Variants in RNF13 observed in about 807,000 individuals in gnomAD.
RNF13 encodes ring finger protein 13.
In RNF13, 19 loss-of-function variants were observed where a neutral mutation model predicts 37.7. The observed-to-expected ratio is 0.50, with a 90% confidence interval of 0.35 to 0.74. The LOEUF (loss-of-function observed/expected upper bound fraction) is 0.74. RNF13 is among the 30% of genes least tolerant of loss of function. The pLI, the probability that RNF13 is intolerant of heterozygous loss-of-function variation, is 0.01. For synonymous variants in RNF13, 144 were observed against 157.8 expected (o/e 0.91, Z 0.65); for missense variants, 375 against 453.0 (o/e 0.83, Z 1.56).
At chr3:149,820,451 A>G (rs1421658209) in intron 1 of RNF13, among the ~76,000 whole-genome samples, 1 of 152,184 alleles carries the variant, frequency 6.6e-6, no homozygotes, top group Non-Finnish European at 1.5e-5. Flanking sequence ...TGATAAATGA[A>G]TATTTCTGAA....
At chr3:149,819,879 C>G (rs557250058) in intron 1 of RNF13, among the ~76,000 whole-genome samples, 17 of 152,180 alleles carry the variant, frequency 1.1e-4, no homozygotes, top group African/African-American at 4.1e-4. Flanking sequence ...TTTGTTATTT[C>G]TAGTTGTTTC....
intron 5 of RNF13, 109 bp from the exon 6 acceptor site, chr3:149,901,963 T>G (rs1016291203): frequency 2.1e-6 from 1 of 487,414 alleles, no homozygotes; most frequent in Non-Finnish European, 3.7e-6. Context: ...AATAGACAAT[T>G]AAAGTTGATT....
At position 149,872,154 on chromosome 3, in the gene RNF13, G is replaced by C. The variant is rs1248927481; in HGVS notation, c.321G>C (p.Lys107Asn). ...IRRLDCNFDI[K>N]VLNAQRAGYK... ...GACTTGATTGTAATTTTGATATAAAGGTATGATTATCTTTTTTCATTTTTT... is the reference window on the plus strand; with the variant it reads ...GACTTGATTGTAATTTTGATATAAACGTATGATTATCTTTTTTCATTTTTT... The change falls in exon 4 of 10, where the codon AAG (lysine) becomes AAC (asparagine). Residue 107 changes from lysine to asparagine, a missense_variant and splice_region_variant. Lys to Asn is a moderately conservative substitution (Grantham distance 94). Transcript: ENST00000392894. 2 of 1,538,650 alleles carry C rather than the reference G, an allele frequency of 1.3e-6. No individual in the cohort carries two copies. Among genetic ancestry groups the C allele is most frequent in the Non-Finnish European group, 1.8e-6 (2 of 1,137,730 alleles).
At chr3:149,832,541 G>C (rs536222928) in intron 1 of RNF13, among the ~76,000 whole-genome samples, 5 of 152,136 alleles carry the variant, frequency 3.3e-5, no homozygotes, top group Admixed American at 1.3e-4. Context: ...ATGTGTACCA[G>C]CCAGTTTGCT....
At chr3:149,911,323 G>A (rs2867399) in intron 6 of RNF13, among the ~76,000 whole-genome samples, 137,248 of 152,240 alleles carry the variant, frequency 0.9, 61,963 homozygotes, top group African/African-American at 0.94. Flanking sequence ...ATGATTTTAC[G>A]TATAAAATAT....
At chr3:149,890,064 T>C (rs1438896371) in intron 4 of RNF13, among the ~76,000 whole-genome samples, 1 of 152,200 alleles carries the variant, frequency 6.6e-6, no homozygotes, top group East Asian at 1.9e-4. Flanking sequence ...TTAAAGCCAG[T>C]CTCTGCTACT....
intron 1 of RNF13, among the ~76,000 whole-genome samples, chr3:149,817,874 GAAA>G (rs1373640866): frequency 6.6e-5 from 10 of 151,806 alleles, no homozygotes; most frequent in Non-Finnish European, 5.9e-5. Context: ...CCTATTATAA[GAAA>G]AAAAGGAAAA....
At chr3:149,884,349 A>G (rs1245697031) in intron 4 of RNF13, among the ~76,000 whole-genome samples, 1 of 151,752 alleles carries the variant, frequency 6.6e-6, no homozygotes, top group Non-Finnish European at 1.5e-5. Context: ...TGTACTAATA[A>G]GGTATAACCC....
intron 4 of RNF13, among the ~76,000 whole-genome samples, chr3:149,879,984 C>T (rs1054197900): frequency 6.6e-6 from 1 of 152,144 alleles, no homozygotes; most frequent in Non-Finnish European, 1.5e-5. Context: ...ATGTTTTATG[C>T]AGTTCTGTGT....
intron 6 of RNF13, among the ~76,000 whole-genome samples, chr3:149,903,220 T>G (rs1377304029): frequency 6.6e-6 from 1 of 152,106 alleles, no homozygotes; most frequent in African/African-American, 2.4e-5. Flanking sequence ...AAAACAGTTA[T>G]GCAAAGTGGT....
At chr3:149,878,483 G>A (rs1296426520) in intron 4 of RNF13, among the ~76,000 whole-genome samples, 1 of 152,144 alleles carries the variant, frequency 6.6e-6, no homozygotes, top group African/African-American at 2.4e-5. Flanking sequence ...GAAATGGAAT[G>A]TAATATTGGC....
intron 4 of RNF13, among the ~76,000 whole-genome samples, chr3:149,875,234 TC>T (rs1197673192): frequency 6.6e-6 from 1 of 152,134 alleles, no homozygotes; most frequent in African/African-American, 2.4e-5. Flanking sequence ...ATACAAATTA[TC>T]TCAGACAAAG....
intron 9 of RNF13, 128 bp downstream of exon 9, chr3:149,960,264 C>G (rs766392093): frequency 1.4e-5 from 9 of 648,182 alleles, no homozygotes; most frequent in Non-Finnish European, 2.2e-5. Context: ...AATTAGTGGT[C>G]TCATTCAAGG....
intron 1 of RNF13, among the ~76,000 whole-genome samples, chr3:149,829,969 T>C (rs1353575866): frequency 6.6e-6 from 1 of 151,544 alleles, no homozygotes; most frequent in Admixed American, 6.6e-5. Context: ...ACATGCTCTC[T>C]TGCTTGCTGC....
At chr3:149,941,397 G>T (rs1171079026) in intron 8 of RNF13, among the ~76,000 whole-genome samples, 1 of 151,970 alleles carries the variant, frequency 6.6e-6, no homozygotes, top group Non-Finnish European at 1.5e-5. Context: ...AGTATGAGTC[G>T]ATATCTCATT....
At chr3:149,867,204 T>C (rs973826767) in intron 3 of RNF13, among the ~76,000 whole-genome samples, 6 of 152,148 alleles carry the variant, frequency 3.9e-5, no homozygotes, top group African/African-American at 1.2e-4. Context: ...TAAATAGTTA[T>C]AATTGTTATA....
intron 1 of RNF13, among the ~76,000 whole-genome samples, chr3:149,834,232 C>A (rs1721359153): frequency 6.6e-6 from 1 of 152,160 alleles, no homozygotes; most frequent in Admixed American, 6.5e-5. Context: ...ATCGCAATAA[C>A]CTTCTTGCAG....
chr3:149,882,750 C>T (rs1713573814), intron 4 of RNF13, among the ~76,000 whole-genome samples: 1 of 152,056 alleles, frequency 6.6e-6, no homozygotes, highest in Admixed American at 6.6e-5. Context: ...ATATTTATAT[C>T]ATGTTTTTAA....
At chr3:149,935,404 T>G (rs1306312498) in intron 8 of RNF13, among the ~76,000 whole-genome samples, 1 of 152,152 alleles carries the variant, frequency 6.6e-6, no homozygotes, top group African/African-American at 2.4e-5. Flanking sequence ...CTTCCTCCTG[T>G]CATTTTGTTG....
Sources: gnomAD v4.1 joint callset for allele counts (sites outside exome capture counted in the v4.1 genomes callset) on GRCh38, gnomAD v4.1.1 for gene constraint, MANE v1.5 for transcripts, NCBI Gene and HGNC (gene_info 2026-07-23, HGNC 2026-07-21) for gene names.